IGF1R: variants seen among roughly 807,000 people sequenced by gnomAD.
The protein encoded by IGF1R is insulin like growth factor 1 receptor.
In IGF1R, 44 loss-of-function variants were observed where a neutral mutation model predicts 144.6. That is an observed-to-expected ratio of 0.30 (90% CI 0.24 to 0.39). The LOEUF (loss-of-function observed/expected upper bound fraction) is 0.39. Ranked by LOEUF, IGF1R falls within the 10% of genes least tolerant of loss-of-function variation. The probability of loss-of-function intolerance (pLI) is 1.00; values close to 1 mark genes in which losing one functional copy is unlikely to be tolerated. For synonymous variants in IGF1R, 795 were observed against 722.8 expected, an observed-to-expected ratio of 1.10 and a Z score of -1.60; for missense variants, 1,355 against 1,833.7, an observed-to-expected ratio of 0.74 and a Z score of 4.77.
intron 2 of IGF1R, chr15:98,890,705 C>T (rs111240480): frequency 6.3e-6 from 1 of 158,670 alleles, no homozygotes; most frequent in African/African-American, 2.4e-5. Context: ...TTAAGAATGA[C>T]CCTCAGACAT....
chr15:98,648,948 C>G lies in IGF1R; in HGVS notation c.-634C>G. 1 of 191,872 alleles carries G rather than the reference C, an allele frequency of 5.2e-6. No homozygotes were observed. The highest frequency in any genetic ancestry group is 7.7e-5 in the East Asian group (1 of 12,956). The allele number at this position is 191,872 out of a possible 1,614,324, so 11.9% of individuals were successfully genotyped here. A position where few individuals can be genotyped will look rare whatever the true frequency, so the allele number is the denominator to read the frequency against. On this transcript the variant is annotated 5_prime_UTR_variant, in exon 1 of 21. Transcript: ENST00000650285. ...GCTGAGCGCGGCGCGGCCGGCCCGCCGCTTTGTGTGTGTCCTGGATTTGGG... is the reference window on the plus strand; with the variant it reads ...GCTGAGCGCGGCGCGGCCGGCCCGCGGCTTTGTGTGTGTCCTGGATTTGGG...
chr15:98,847,871 A>T (rs887028935), intron 2 of IGF1R, among the ~76,000 whole-genome samples: 1 of 152,198 alleles, frequency 6.6e-6, no homozygotes, highest in African/African-American at 2.4e-5. Context: ...GAGGAAGATG[A>T]TGGGTGTGGG....
At chr15:98,654,640 A>G (rs2052444512) in intron 1 of IGF1R, among the ~76,000 whole-genome samples, 1 of 152,178 alleles carries the variant, frequency 6.6e-6, no homozygotes, top group Admixed American at 6.5e-5. Context: ...AAACTCATTT[A>G]AAAATCAGAC....
rs555062621 is a variant in IGF1R at position 98,655,086 on chromosome 15, A to G, written c.94+5411A>G. ...GATTAAAACTTTGATATATGTACAC[A>G]TCCCCTCATGCCTGCACCCCCATCC... On this transcript the variant is annotated intron_variant, in intron 1 of 20. Transcript: ENST00000650285. Among the ~76,000 whole-genome samples the G allele has an allele frequency of 4.6e-5, 7 of 152,338 alleles. No individual in the cohort carries two copies. In the East Asian group the frequency reaches 1.3e-3, roughly 29 times the overall value.
intron 2 of IGF1R, among the ~76,000 whole-genome samples, chr15:98,855,443 G>A (rs1445751431): frequency 3.3e-5 from 5 of 152,228 alleles, no homozygotes; most frequent in Non-Finnish European, 7.3e-5. Flanking sequence ...ATTACAAGCA[G>A]TGCTTTTTAT....
intron 17 of IGF1R, among the ~76,000 whole-genome samples, chr15:98,936,838 C>A (rs978817640): frequency 6.6e-6 from 1 of 152,112 alleles, no homozygotes; most frequent in Non-Finnish European, 1.5e-5. Context: ...GGTGTTAGTG[C>A]CTCTTCCTGG....
At chr15:98,906,417 G>A (rs1400887093) in intron 5 of IGF1R, among the ~76,000 whole-genome samples, 1 of 152,176 alleles carries the variant, frequency 6.6e-6, no homozygotes, top group Non-Finnish European at 1.5e-5. Context: ...ACATTTGGGG[G>A]TGCATCGCTG....
chr15:98,677,451 C>G (rs1294302011), intron 1 of IGF1R, among the ~76,000 whole-genome samples: 1 of 152,180 alleles, frequency 6.6e-6, no homozygotes, highest in Non-Finnish European at 1.5e-5. Context: ...TCTTTACTTA[C>G]CATCAGTTGT....
intron 15 of IGF1R, among the ~76,000 whole-genome samples, chr15:98,932,590 T>C (rs1181319083): frequency 6.6e-6 from 1 of 152,210 alleles, no homozygotes; most frequent in East Asian, 1.9e-4. Flanking sequence ...GCTAAACAGT[T>C]AATTCTGATT....
intron 1 of IGF1R, among the ~76,000 whole-genome samples, chr15:98,692,611 AGTAAC>A (rs2053503478): frequency 6.6e-6 from 1 of 152,238 alleles, no homozygotes; most frequent in East Asian, 1.9e-4. Flanking sequence ...TGGACTTTCC[AGTAAC>A]ATTTGGAAAC....
intron 1 of IGF1R, among the ~76,000 whole-genome samples, chr15:98,706,602 C>A (rs954612988): frequency 3.6e-4 from 51 of 141,410 alleles, no homozygotes; most frequent in Non-Finnish European, 4.4e-4. Flanking sequence ...AAAAAAAAAA[C>A]AACCCTCATG....
intron 7 of IGF1R, among the ~76,000 whole-genome samples, chr15:98,912,073 G>T (rs980240920): frequency 6.6e-6 from 1 of 152,082 alleles, no homozygotes; most frequent in Admixed American, 6.5e-5. Context: ...TATTCCTCCC[G>T]ACTGCAGCCC....
chr15:98,702,358 T>C (rs1170387343), intron 1 of IGF1R, among the ~76,000 whole-genome samples: 4 of 152,174 alleles, frequency 2.6e-5, no homozygotes, highest in African/African-American at 4.8e-5. Context: ...AATTTTATTA[T>C]TGTTTTTTGA....
At chr15:98,709,470 G>C (rs1213914387) in intron 2 of IGF1R, among the ~76,000 whole-genome samples, 1 of 152,256 alleles carries the variant, frequency 6.6e-6, no homozygotes, top group Non-Finnish European at 1.5e-5. Context: ...TTTAAGGTTG[G>C]CTGGAGTTGG....
At chr15:98,895,020 CAA>C (rs368393677) in intron 3 of IGF1R, among the ~76,000 whole-genome samples, 24 of 112,404 alleles carry the variant, frequency 2.1e-4, no homozygotes, top group Non-Finnish European at 1.9e-4. Flanking sequence ...GACCCTGTCT[CAA>C]AAAAAAAAAA....
chr15:98,843,470 T>C (rs892845930), intron 2 of IGF1R, among the ~76,000 whole-genome samples: 2 of 152,188 alleles, frequency 1.3e-5, no homozygotes, highest in Admixed American at 6.5e-5. Context: ...CTTAGCAATT[T>C]TGAATTGCAC....
At position 98,785,039 on chromosome 15, in the gene IGF1R, A is replaced by T. The variant is rs2055958611; in HGVS notation, c.640+76932A>T. Among the ~76,000 whole-genome samples, 3 of 152,234 alleles carry T rather than the reference A, an allele frequency of 2.0e-5. No individual in the cohort carries two copies. In the South Asian group the frequency reaches 6.2e-4, roughly 32 times the overall value. ...AGTTCATGTGTATATATATATGTGT[A>T]TGTGTTTAGAAGGGAGCAAGCTGTT... On this transcript the variant is annotated intron_variant, in intron 2 of 20. Transcript: ENST00000650285.
chr15:98,768,614 CAAAA>C (rs57466735), intron 2 of IGF1R, among the ~76,000 whole-genome samples: 2 of 116,410 alleles, frequency 1.7e-5, no homozygotes, highest in African/African-American at 3.4e-5. Flanking sequence ...GACTCCATCT[CAAAA>C]AAAAAAAAAA....
chr15:98,762,759 C>A (rs1490093651), intron 2 of IGF1R, among the ~76,000 whole-genome samples: 1 of 151,638 alleles, frequency 6.6e-6, no homozygotes, highest in Non-Finnish European at 1.5e-5. Flanking sequence ...AAAACAAAAA[C>A]AAAACAGGCT....
Sources: allele counts gnomAD v4.1 joint callset (sites outside exome capture counted in the v4.1 genomes callset), GRCh38; gene constraint gnomAD v4.1.1; transcripts MANE v1.5; gene names NCBI Gene and HGNC (gene_info 2026-07-23, HGNC 2026-07-21).